Variants in C16orf96 observed in about 807,000 individuals in gnomAD.
The protein encoded by C16orf96 is chromosome 16 open reading frame 96.
In C16orf96, 108 loss-of-function variants were observed where a neutral mutation model predicts 103.6. That is an observed-to-expected ratio of 1.04 (90% CI 0.89 to 1.22). The LOEUF is 1.22. C16orf96 is among the 50% of genes most tolerant of loss of function. The probability of loss-of-function intolerance (pLI) is 0.00; values close to 1 mark genes in which losing one functional copy is unlikely to be tolerated. For synonymous variants in C16orf96, 566 were observed against 593.5 expected (o/e 0.95, Z 0.67); for missense variants, 1,586 against 1,464.2 (o/e 1.08, Z -1.36).
chr16:4,551,468 T>C (rs981940929), upstream of C16orf96, among the ~76,000 whole-genome samples: 11 of 152,276 alleles, frequency 7.2e-5, no homozygotes, highest in African/African-American at 2.2e-4. Flanking sequence ...TTGTTTGTTT[T>C]TGAGACGGAG....
rs1193135950 is a variant in C16orf96, at chr16:4,556,798, C to T, written c.309C>T (p.Ser103=). 1 of 1,551,570 alleles carries T rather than the reference C, an allele frequency of 6.4e-7. No individual in the cohort carries two copies. Among genetic ancestry groups the T allele is most frequent in the African/African-American group, 1.4e-5 (1 of 73,052 alleles). Residue 103 remains serine, a synonymous_variant, in exon 1 of 16, where the codon TCC becomes TCT. Transcript: ENST00000444310. ...TGGCCCTGCTGCAGGACCTGCCCTC[C>T]ACTGCCCAGCTGCTGGAAGCCAGCC... ...NQLALLQDLP[S]TAQLLEASQG... is the part of the protein sequence containing the mutation.
chr16:4,557,421 C>T (rs1286912303), intron 1 of C16orf96, among the ~76,000 whole-genome samples: 4 of 152,116 alleles, frequency 2.6e-5, no homozygotes, highest in Non-Finnish European at 5.9e-5. Flanking sequence ...CAAAAGGCTA[C>T]CCAGTGTATG....
intron 15 of C16orf96, 133 bp from the exon 16 acceptor site, chr16:4,599,967 C>A: frequency 1.1e-6 from 1 of 929,630 alleles, no homozygotes; most frequent in South Asian, 1.7e-5. Flanking sequence ...GGTATGGTGC[C>A]CAGCCGGCCA....
the C16orf96 span, among the ~76,000 whole-genome samples, chr16:4,547,649 T>TTCCTTCCTTCCTTCC: frequency 3.7e-4 from 44 of 119,172 alleles, no homozygotes; most frequent in African/African-American, 1.5e-3. Context: ...TCTTTCTTTC[T>TTCCTTCCTTCCTTCC]TTCCTTCCTT....
the C16orf96 span, among the ~76,000 whole-genome samples, chr16:4,541,802 G>A: frequency 1.3e-5 from 2 of 152,272 alleles, no homozygotes; most frequent in South Asian, 4.2e-4. Context: ...GAGTTCAATT[G>A]CACTGAATCA....
intron 8 of C16orf96, among the ~76,000 whole-genome samples, chr16:4,587,807 A>G (rs948348620): frequency 6.6e-6 from 1 of 151,962 alleles, no homozygotes; most frequent in Non-Finnish European, 1.5e-5. Context: ...ATGATGGAAC[A>G]TGCCTGTAGT....
the C16orf96 span, among the ~76,000 whole-genome samples, chr16:4,544,360 C>G: frequency 6.6e-6 from 1 of 152,192 alleles, no homozygotes; most frequent in Non-Finnish European, 1.5e-5. Flanking sequence ...AATCCAAGAA[C>G]TTTGGGAGGC....
intron 2 of C16orf96, among the ~76,000 whole-genome samples, chr16:4,573,576 C>T (rs911090307): frequency 6.6e-6 from 1 of 151,176 alleles, no homozygotes; most frequent in Non-Finnish European, 1.5e-5. Flanking sequence ...CACGGTGAAA[C>T]CCCATCTCTA....
the C16orf96 span, among the ~76,000 whole-genome samples, chr16:4,546,050 A>G: frequency 6.6e-6 from 1 of 150,934 alleles, no homozygotes; most frequent in African/African-American, 2.4e-5. Flanking sequence ...GGGTTTCAGC[A>G]TGTTGGCCAG....
intron 2 of C16orf96, 43 bp from the exon 3 acceptor site, chr16:4,574,666 C>T (rs1318730782): frequency 1.3e-6 from 2 of 1,495,744 alleles, no homozygotes; most frequent in African/African-American, 2.8e-5. Context: ...AGGGGTGGGA[C>T]AGAACCTGGA....
In C16orf96 at chr16:4,593,162, C is replaced by A; in HGVS notation, c.2775-62C>A. On this transcript the variant is annotated intron_variant, in intron 11 of 15. Transcript: ENST00000444310. This position sits in a 1 kb window ranked among gnomAD's most constrained non-coding sequence, Gnocchi z 4.2. ...GAAGGCTTCCTGGAGGGGTGGGAGACGAGCCCTCTGCTGGCCTAGCACGCC... is the reference window on the plus strand; with the variant it reads ...GAAGGCTTCCTGGAGGGGTGGGAGAAGAGCCCTCTGCTGGCCTAGCACGCC... 1 of 1,471,348 alleles carries A rather than the reference C, an allele frequency of 6.8e-7. No individual in the cohort carries two copies. The highest frequency in any genetic ancestry group is 9.3e-7 in the Non-Finnish European group (1 of 1,076,570). The allele number at this position is 1,471,348 out of a possible 1,614,324, so 91.1% of individuals were successfully genotyped here. A position where few individuals can be genotyped will look rare whatever the true frequency, so the allele number is the denominator to read the frequency against.
At chr16:4,569,097 G>T (rs1239452723) in intron 1 of C16orf96, among the ~76,000 whole-genome samples, 2 of 151,948 alleles carry the variant, frequency 1.3e-5, no homozygotes, top group African/African-American at 4.8e-5. Flanking sequence ...TGCCTCCCAA[G>T]TAGCTGGGAT....
chr16:4,559,807 G>C (rs192400373), intron 1 of C16orf96, among the ~76,000 whole-genome samples: 12 of 151,998 alleles, frequency 7.9e-5, no homozygotes, highest in Non-Finnish European at 5.9e-5. Flanking sequence ...TCTGTCTTAC[G>C]GATTTGCCTA....
At chr16:4,580,739 C>A (rs1454241519) in intron 7 of C16orf96, among the ~76,000 whole-genome samples, 2 of 152,046 alleles carry the variant, frequency 1.3e-5, no homozygotes, top group Non-Finnish European at 2.9e-5. Flanking sequence ...ATAATCCCAG[C>A]ACTTTGGGAG....
chr16:4,565,989 C>A (rs778971303), intron 1 of C16orf96, among the ~76,000 whole-genome samples: 2 of 152,158 alleles, frequency 1.3e-5, no homozygotes, highest in African/African-American at 2.4e-5. Flanking sequence ...ACTACAGGCG[C>A]TTGCCACCAT....
chr16:4,579,202 GGT>G (rs1555506132), intron 6 of C16orf96, among the ~76,000 whole-genome samples, 177 bp downstream of exon 6: 46 of 19,724 alleles, frequency 2.3e-3, no homozygotes, highest in Non-Finnish European at 0.019. Context: ...TCACTGGTGC[GGT>G]GGGGGGGCCC....
At chr16:4,539,495 C>T in the C16orf96 span, among the ~76,000 whole-genome samples, 3 of 152,130 alleles carry the variant, frequency 2.0e-5, no homozygotes, top group South Asian at 2.1e-4. Context: ...ACCAGCCTGG[C>T]CAACATGGTG....
the C16orf96 span, among the ~76,000 whole-genome samples, chr16:4,541,492 T>A: frequency 6.6e-6 from 1 of 152,218 alleles, no homozygotes; most frequent in Admixed American, 6.5e-5. Context: ...GAGGATCCCT[T>A]CAGCCCAGCA....
At position 4,572,306 on chromosome 16, in the gene C16orf96, C is replaced by CTTTTTTTT. The variant is rs3992632; in HGVS notation, c.525+645_525+652dup. Reference sequence around the variant, plus strand: ...AGGTACTCATGCAATACTTATATTTCTTTTTTTTTTTGAGATGGAGTCTCG... The same window carrying CTTTTTTTT: ...AGGTACTCATGCAATACTTATATTTCTTTTTTTTTTTTTTTTTTTGAGATGGAGTCTCG... On this transcript the variant is annotated intron_variant, in intron 2 of 15. Coordinates refer to ENST00000444310, the MANE Select transcript of C16orf96 (RefSeq NM_001145011.2). 2.0e-4 allele frequency among the ~76,000 whole-genome samples: 26 copies of CTTTTTTTT among 131,660 alleles called. 4 individuals are homozygous for CTTTTTTTT. The highest frequency in any genetic ancestry group is 3.4e-4 in the Admixed American group (4 of 11,624). 86.4% of individuals were successfully genotyped at this position (131,660 alleles called of 152,430 possible).
Sources: allele counts gnomAD v4.1 joint callset (sites outside exome capture counted in the v4.1 genomes callset), GRCh38; gene constraint gnomAD v4.1.1; non-coding constraint Gnocchi (gnomAD v3.1); transcripts MANE v1.5; gene names NCBI Gene and HGNC (gene_info 2026-07-23, HGNC 2026-07-21).